OR2L3: variants seen among roughly 807,000 people sequenced by gnomAD.
The protein encoded by OR2L3 is olfactory receptor 2L3.
For missense variants in OR2L3, 369 were observed against 376.6 expected, an observed-to-expected ratio of 0.98 and a Z score of 0.17; for synonymous variants, 131 against 139.1, an observed-to-expected ratio of 0.94 and a Z score of 0.41.
chr1:248,047,554 A>T (rs1357364063), intron 1 of OR2L3, among the ~76,000 whole-genome samples: 1 of 152,182 alleles, frequency 6.6e-6, no homozygotes, highest in Non-Finnish European at 1.5e-5. Flanking sequence ...ATAGGTATCC[A>T]GATTTTGTTT....
At chr1:248,053,462 A>G (rs1223738362) in intron 1 of OR2L3, among the ~76,000 whole-genome samples, 3 of 152,326 alleles carry the variant, frequency 2.0e-5, no homozygotes, top group Non-Finnish European at 2.9e-5. Context: ...TCCTTTGGGT[A>G]TACACCCAGT....
intron 1 of OR2L3, among the ~76,000 whole-genome samples, chr1:248,050,158 G>C (rs1663214017): frequency 6.6e-6 from 1 of 151,926 alleles, no homozygotes; most frequent in Admixed American, 6.6e-5. Flanking sequence ...TTTCAGGTTT[G>C]TGGGTCCTAC....
intron 1 of OR2L3, among the ~76,000 whole-genome samples, chr1:248,058,858 T>A (rs1419500256): frequency 1.3e-5 from 2 of 152,098 alleles, no homozygotes; most frequent in Admixed American, 1.3e-4. Context: ...TAAATTACAA[T>A]TTTTTCATAT....
chr1:248,048,328 C>T (rs1172661151), intron 1 of OR2L3, among the ~76,000 whole-genome samples: 1 of 152,198 alleles, frequency 6.6e-6, no homozygotes, highest in African/African-American at 2.4e-5. Flanking sequence ...TACAAATACA[C>T]ATTGTGTAAA....
chr1:248,051,594 G>C (rs1663265415), intron 1 of OR2L3, among the ~76,000 whole-genome samples: 1 of 152,108 alleles, frequency 6.6e-6, no homozygotes, highest in South Asian at 2.1e-4. Context: ...AGAGGAGAGT[G>C]AGGGAGGAGG....
chr1:248,059,640 C>G (rs1663559168), intron 1 of OR2L3, among the ~76,000 whole-genome samples: 1 of 152,160 alleles, frequency 6.6e-6, no homozygotes, highest in South Asian at 2.1e-4. Flanking sequence ...AATAAATGAA[C>G]CACAAAATGA....
At chr1:248,049,326 T>C (rs541358630) in intron 1 of OR2L3, among the ~76,000 whole-genome samples, 4 of 152,336 alleles carry the variant, frequency 2.6e-5, no homozygotes, top group African/African-American at 9.6e-5. Context: ...AAGAGATCCA[T>C]GCAATGCAAT....
At chr1:248,056,761 C>T (rs1192483742) in intron 1 of OR2L3, among the ~76,000 whole-genome samples, 1 of 149,952 alleles carries the variant, frequency 6.7e-6, no homozygotes, top group African/African-American at 2.5e-5. Flanking sequence ...AATTCTCCTG[C>T]CTCGGCCTCT....
In OR2L3 at chr1:248,061,510, TAC is replaced by T. The variant is rs1663641430; in HGVS notation, c.832_833del (p.Thr278HisfsTer12). The T allele has an allele frequency of 2.5e-6, 4 of 1,613,916 alleles. No homozygotes were observed. The East Asian group carries it at 8.9e-5, about 36-fold the overall frequency. On this transcript the variant is annotated frameshift_variant, in exon 2 of 2. Transcript: ENST00000359959. LOFTEE classifies it low-confidence loss of function (END_TRUNC). ...PTEDKVLAVF[Y>X]TTLTPMLNPI... ...AGAGGACAAGGTTCTGGCTGTCTTC[TAC>T]ACCACCCTCACTCCAATGCTCAACC...
chr1:248,055,046 G>A (rs1663389230), intron 1 of OR2L3, among the ~76,000 whole-genome samples: 2 of 152,220 alleles, frequency 1.3e-5, no homozygotes, highest in Admixed American at 6.5e-5. Flanking sequence ...TCCAGTTTTT[G>A]CCCATTCAGT....
chr1:248,050,431 G>A (rs1345998038), intron 1 of OR2L3, among the ~76,000 whole-genome samples: 7 of 152,034 alleles, frequency 4.6e-5, no homozygotes, highest in Non-Finnish European at 7.4e-5. Context: ...GGAACATCAT[G>A]GCTGAGGCTG....
chr1:248,054,516 A>G (rs1338264686), intron 1 of OR2L3, among the ~76,000 whole-genome samples: 2 of 152,178 alleles, frequency 1.3e-5, no homozygotes, highest in Non-Finnish European at 2.9e-5. Context: ...CATTGTATCT[A>G]TAAATTGCTT....
chr1:248,060,663 A>ATGCCCC lies in OR2L3; in HGVS notation c.-19_-18insTGCCCC. On this transcript the variant is annotated 5_prime_UTR_variant, in exon 2 of 2. The change creates a new upstream start codon in the 5' untranslated region. Transcript: ENST00000359959. ...CTTACCCTTGTGTCTCCCTTCAGGA[A>ATGCCCC]AGAGCACACGAATGCCCCATGGAAA... 1 of 1,588,866 alleles carries ATGCCCC rather than the reference A, an allele frequency of 6.3e-7. No individual in the cohort carries two copies. The highest frequency in any genetic ancestry group is 8.6e-7 in the Non-Finnish European group (1 of 1,162,140).
At chr1:248,057,997 T>C (rs1663495176) in intron 1 of OR2L3, among the ~76,000 whole-genome samples, 1 of 152,216 alleles carries the variant, frequency 6.6e-6, no homozygotes. Context: ...GAACTTGCAG[T>C]AATGTGTTAA....
At chr1:248,053,310 T>C (rs377008384) in intron 1 of OR2L3, among the ~76,000 whole-genome samples, 3 of 152,230 alleles carry the variant, frequency 2.0e-5, no homozygotes, top group African/African-American at 4.8e-5. Context: ...CTGTATAGTA[T>C]TCCATTGTGT....
At chr1:248,048,937 TG>T (rs1295148790) in intron 1 of OR2L3, among the ~76,000 whole-genome samples, 13 of 151,370 alleles carry the variant, frequency 8.6e-5, no homozygotes, top group African/African-American at 2.4e-4. Flanking sequence ...TTTTTTTTTT[TG>T]GTAAATCCAC....
Position 248,062,077 on chromosome 1 carries a change from T to G in OR2L3, c.*457T>G, listed in dbSNP as rs2103128693. The stretch of plus-strand genomic sequence containing the variant: ...GTAAGATGTTTTGTCTTTCTTATCT[T>G]AGACACTTAACGTACCAATTACTCA... On this transcript the variant is annotated 3_prime_UTR_variant, in exon 2 of 2. Coordinates refer to ENST00000359959, the MANE Select transcript of OR2L3 (RefSeq NM_001004687.2). The G allele has an allele frequency of 6.3e-6, 1 of 159,182 alleles. No individual in the cohort carries two copies. Among genetic ancestry groups the G allele is most frequent in the South Asian group, 1.8e-4 (1 of 5,668 alleles). The allele number at this position is 159,182 out of a possible 1,614,324, so 9.9% of individuals were successfully genotyped here.
intron 1 of OR2L3, chr1:248,055,761 CAGTGAGACTCCGTCTCA>C (rs1663413966): frequency 6.6e-6 from 1 of 152,176 alleles, no homozygotes; most frequent in South Asian, 2.1e-4. Context: ...GACTGGATGA[CAGTGAGACTCCGTCTCA>C]AGGAAAAAAA....
chr1:248,058,423 C>T (rs575162995), intron 1 of OR2L3, among the ~76,000 whole-genome samples: 12 of 152,132 alleles, frequency 7.9e-5, no homozygotes, highest in Non-Finnish European at 1.6e-4. Flanking sequence ...ATTGTCACAG[C>T]AGAACTGCAT....
Sources: allele counts gnomAD v4.1 joint callset (sites outside exome capture counted in the v4.1 genomes callset), GRCh38; gene constraint gnomAD v4.1.1; transcripts MANE v1.5; gene names NCBI Gene and HGNC (gene_info 2026-07-23, HGNC 2026-07-21).